Variants in BRINP1 observed in about 807,000 individuals in gnomAD.
The protein encoded by BRINP1 is BMP/retinoic acid-inducible neural-specific protein 1.
Under a neutral mutation model 72.9 loss-of-function variants are expected in BRINP1, and 17 were observed. The ratio of observed to expected loss-of-function variants is 0.23; its 90% CI spans 0.16 to 0.35. The LOEUF (loss-of-function observed/expected upper bound fraction) is 0.35, where lower values mean the gene tolerates loss of function less well. Ranked by LOEUF, BRINP1 falls within the 10% of genes least tolerant of loss-of-function variation. The pLI is 1.00. For synonymous variants in BRINP1, 418 were observed against 378.5 expected (o/e 1.10, Z -1.21); for missense variants, 850 against 1,001.6 (o/e 0.85, Z 2.04).
intron 1 of BRINP1, among the ~76,000 whole-genome samples, chr9:119,315,987 A>T (rs1381318584): frequency 6.6e-6 from 1 of 152,242 alleles, no homozygotes; most frequent in Non-Finnish European, 1.5e-5. Flanking sequence ...GTAACATGAA[A>T]GTACAAGGTG....
At chr9:119,301,960 T>G (rs894252559) in intron 2 of BRINP1, among the ~76,000 whole-genome samples, 1 of 152,202 alleles carries the variant, frequency 6.6e-6, no homozygotes, top group African/African-American at 2.4e-5. Flanking sequence ...GAAGTGATCT[T>G]TGTAAGATGA....
intron 2 of BRINP1, among the ~76,000 whole-genome samples, chr9:119,270,351 C>T (rs986824549): frequency 9.9e-5 from 15 of 152,070 alleles, no homozygotes; most frequent in Admixed American, 3.9e-4. Flanking sequence ...AAGATCACCC[C>T]GTGTTGAGAG....
rs553186809 is a variant in BRINP1, at chr9:119,269,831, C to A, written c.219-20681G>T. On this transcript the variant is annotated intron_variant, in intron 2 of 7. Transcript: ENST00000265922. ...CAGCAAATATTCATTAGGAACTAGA[C>A]ACTATTCTAAACACTTGAGATACAT... Among the ~76,000 whole-genome samples, 5 of 146,116 alleles carry A rather than the reference C, an allele frequency of 3.4e-5. No individual in the cohort carries two copies. In the East Asian group the frequency reaches 1.0e-3, roughly 30 times the overall value.
intron 5 of BRINP1, among the ~76,000 whole-genome samples, chr9:119,216,136 G>C (rs916809104): frequency 6.6e-6 from 1 of 152,138 alleles, no homozygotes; most frequent in African/African-American, 2.4e-5. Flanking sequence ...AGTGGTTAAA[G>C]GTTTAACAAA....
At chr9:119,335,435 T>C (rs924759696) in intron 1 of BRINP1, among the ~76,000 whole-genome samples, 2 of 152,224 alleles carry the variant, frequency 1.3e-5, no homozygotes, top group Admixed American at 6.5e-5. Context: ...TATCGGTGAC[T>C]CACTCAACAG....
In BRINP1 at chr9:119,201,560, A is replaced by G. The variant is rs573968961; in HGVS notation, c.1145+7159T>C. On this transcript the variant is annotated intron_variant, in intron 7 of 7. Transcript: ENST00000265922. Reference sequence around the variant, plus strand: ...GTGAGGTACAATTTTTTCACTACTCAACCTGTACCTCACCTCTGCAAGGCA... The same window carrying G: ...GTGAGGTACAATTTTTTCACTACTCGACCTGTACCTCACCTCTGCAAGGCA... Among the ~76,000 whole-genome samples the G allele has an allele frequency of 3.9e-5, 6 of 152,296 alleles. No individual in the cohort carries two copies. The East Asian group carries it at 1.2e-3, about 29-fold the overall frequency.
rs548212911 is a variant in BRINP1, at chr9:119,172,976, G to A, written c.1146-4752C>T. 6.5e-4 allele frequency among the ~76,000 whole-genome samples: 98 copies of A among 150,172 alleles called. 3 individuals are homozygous for A. The highest frequency in any genetic ancestry group is 2.1e-3 in the East Asian group (11 of 5,148). On this transcript the variant is annotated intron_variant, in intron 7 of 7. Coordinates refer to ENST00000265922, the MANE Select transcript of BRINP1 (RefSeq NM_014618.3). ...TCAATAAATTAGGTATTGATGGGAC[G>A]TATTTCAAAATAATAAGAGCCATCT...
rs141747333 is a variant in BRINP1, at chr9:119,214,162, G to A, written c.686-7C>T. On this transcript the variant is annotated splice_region_variant and splice_polypyrimidine_tract_variant and intron_variant, in intron 5 of 7. Coordinates refer to ENST00000265922, the MANE Select transcript of BRINP1 (RefSeq NM_014618.3). ...GGAAAGATTATCTGAAGACCTGTGT[G>A]AGAATAGCAAGAAGGGAAAACAGAA... The A allele has an allele frequency of 2.4e-4, 388 of 1,597,026 alleles. No homozygotes were observed. In the East Asian group the frequency reaches 6.6e-3, roughly 27 times the overall value.
chr9:119,342,162 A>T (rs532301265), intron 1 of BRINP1, among the ~76,000 whole-genome samples: 5 of 151,380 alleles, frequency 3.3e-5, no homozygotes, highest in African/African-American at 1.2e-4. Context: ...ATATAAACAA[A>T]AATGGTTGTA....
At chr9:119,295,547 A>G (rs1055200980) in intron 2 of BRINP1, among the ~76,000 whole-genome samples, 1 of 152,222 alleles carries the variant, frequency 6.6e-6, no homozygotes. Context: ...TAGAAAAGGC[A>G]CAGTAAAAAT....
chr9:119,277,585 C>A (rs964235709), intron 2 of BRINP1, among the ~76,000 whole-genome samples: 2 of 152,110 alleles, frequency 1.3e-5, no homozygotes, highest in African/African-American at 2.4e-5. Context: ...AAGAGAGGAG[C>A]CTACTATGTC....
At chr9:119,284,661 A>AT (rs1366810710) in intron 2 of BRINP1, among the ~76,000 whole-genome samples, 1 of 152,024 alleles carries the variant, frequency 6.6e-6, no homozygotes, top group African/African-American at 2.4e-5. Flanking sequence ...ACCAATTTCC[A>AT]TTTTTTCAAG....
chr9:119,350,940 T>G (rs965749793), intron 1 of BRINP1, among the ~76,000 whole-genome samples: 2 of 151,840 alleles, frequency 1.3e-5, no homozygotes, highest in African/African-American at 4.8e-5. Context: ...GGGATACATG[T>G]GCAGAATGTG....
chr9:119,326,484 CTATTA>C (rs1375280868), intron 1 of BRINP1, among the ~76,000 whole-genome samples: 2 of 151,992 alleles, frequency 1.3e-5, no homozygotes, highest in Admixed American at 6.6e-5. Context: ...TTCTGTGATC[CTATTA>C]TATTTTATTA....
chr9:119,214,549 A>T (rs1178532739), intron 5 of BRINP1, among the ~76,000 whole-genome samples: 2 of 152,058 alleles, frequency 1.3e-5, no homozygotes, highest in Non-Finnish European at 2.9e-5. Context: ...CCTATTTATG[A>T]AACACAAGTT....
chr9:119,344,756 G>A (rs1831434607), intron 1 of BRINP1, among the ~76,000 whole-genome samples: 1 of 152,172 alleles, frequency 6.6e-6, no homozygotes, highest in African/African-American at 2.4e-5. Flanking sequence ...TATGCAAATA[G>A]CTTTGTTCCA....
chr9:119,213,906 T>G lies in BRINP1; in HGVS notation c.922+13A>C. 34 of 1,608,624 alleles carry G rather than the reference T, an allele frequency of 2.1e-5. No homozygotes were observed. Among genetic ancestry groups the G allele is most frequent in the Non-Finnish European group, 2.8e-5 (33 of 1,175,054 alleles). On this transcript the variant is annotated intron_variant, in intron 6 of 7. Transcript: ENST00000265922. ...AGGCCACTCATGCAGTGGCACTGAG[T>G]GAGACTCTCTACCTGAATTCTCCAG... is the stretch of plus-strand genomic sequence containing the variant.
chr9:119,317,535 G>A (rs1224805393), intron 1 of BRINP1, among the ~76,000 whole-genome samples: 4 of 152,168 alleles, frequency 2.6e-5, no homozygotes, highest in African/African-American at 4.8e-5. Flanking sequence ...CTGTTGAAAC[G>A]ACAACAAAGG....
intron 1 of BRINP1, among the ~76,000 whole-genome samples, chr9:119,327,163 G>A (rs1362881784): frequency 6.6e-6 from 1 of 152,094 alleles, no homozygotes; most frequent in East Asian, 1.9e-4. Context: ...TTTTATTTTA[G>A]TGCTGGGGTA....
Sources: allele counts gnomAD v4.1 joint callset (sites outside exome capture counted in the v4.1 genomes callset), GRCh38; gene constraint gnomAD v4.1.1; transcripts MANE v1.5; gene names NCBI Gene and HGNC (gene_info 2026-07-23, HGNC 2026-07-21).